The following ZNF362 variants were observed in gnomAD, a reference collection of about 807,000 sequenced individuals.
ZNF362 encodes zinc finger protein 362.
In ZNF362, 11 loss-of-function variants were observed where a neutral mutation model predicts 42.9. The observed-to-expected ratio is 0.26, with a 90% CI of 0.16 to 0.42. ZNF362 has a LOEUF of 0.42. Ranked by LOEUF, ZNF362 falls within the 20% of genes least tolerant of loss-of-function variation. The probability of loss-of-function intolerance (pLI) is 1.00; values close to 1 mark genes in which losing one functional copy is unlikely to be tolerated. For synonymous variants in ZNF362, 255 were observed against 257.3 expected (o/e 0.99, Z 0.09); for missense variants, 362 against 576.2 (o/e 0.63, Z 3.81).
chr1:33,270,189 T>C (rs1645891693), intron 1 of ZNF362, among the ~76,000 whole-genome samples: 1 of 152,144 alleles, frequency 6.6e-6, no homozygotes, highest in African/African-American at 2.4e-5. Flanking sequence ...CAACCCTACT[T>C]GTGAAGAGTT....
chr1:33,204,664 C>T, the ZNF362 span, among the ~76,000 whole-genome samples: 10 of 152,178 alleles, frequency 6.6e-5, no homozygotes, highest in Middle Eastern at 3.4e-3. Flanking sequence ...TATGAAAAAC[C>T]TACAGTTTAC....
chr1:33,261,345 G>A (rs567015072), intron 1 of ZNF362: 20 of 152,302 alleles, frequency 1.3e-4, no homozygotes, highest in Admixed American at 8.5e-4. Flanking sequence ...TGTGTAAAGT[G>A]CTGCACCTCC....
At position 33,299,222 on chromosome 1, in the gene ZNF362, G is replaced by T; in HGVS notation, c.*176G>T. The T allele has an allele frequency of 1.7e-6, 1 of 587,886 alleles. No individual in the cohort carries two copies. Among genetic ancestry groups the T allele is most frequent in the Non-Finnish European group, 3.0e-6 (1 of 328,434 alleles). The allele number at this position is 587,886 out of a possible 1,614,324, so 36.4% of individuals were successfully genotyped here. A position where few individuals can be genotyped will look rare whatever the true frequency, so the allele number is the denominator to read the frequency against. On this transcript the variant is annotated 3_prime_UTR_variant, in exon 9 of 9. Coordinates refer to ENST00000539719, the MANE Select transcript of ZNF362 (RefSeq NM_152493.3). ...GCCTGGTCCAGTCCGGGGGCGGCCA[G>T]GCCAACTGCAAGATTCTGGACTGTT...
the ZNF362 span, among the ~76,000 whole-genome samples, chr1:33,229,556 AC>A: frequency 6.6e-6 from 1 of 151,914 alleles, no homozygotes; most frequent in African/African-American, 2.4e-5. Flanking sequence ...ACAGGTGCCC[AC>A]CACCACACCG....
At chr1:33,193,423 C>A in the ZNF362 span, among the ~76,000 whole-genome samples, 1 of 152,116 alleles carries the variant, frequency 6.6e-6, no homozygotes, top group Non-Finnish European at 1.5e-5. Flanking sequence ...CACAGGACTT[C>A]TATAGAAAAC....
At chr1:33,211,864 A>C in the ZNF362 span, among the ~76,000 whole-genome samples, 3 of 152,160 alleles carry the variant, frequency 2.0e-5, no homozygotes, top group African/African-American at 7.2e-5. Context: ...CATCACTTTC[A>C]GGTACACCAA....
chr1:33,279,142 A>G (rs1645972041), intron 4 of ZNF362, among the ~76,000 whole-genome samples: 1 of 151,956 alleles, frequency 6.6e-6, no homozygotes, highest in Admixed American at 6.6e-5. Flanking sequence ...CTCCCACCCC[A>G]GCCTCCCTAG....
chr1:33,262,052 A>T (rs1284854368), intron 1 of ZNF362, among the ~76,000 whole-genome samples: 1 of 152,058 alleles, frequency 6.6e-6, no homozygotes, highest in Non-Finnish European at 1.5e-5. Flanking sequence ...GGCTATGGTG[A>T]TGGGGATGGC....
At chr1:33,136,022 C>T in the ZNF362 span, among the ~76,000 whole-genome samples, 2 of 151,408 alleles carry the variant, frequency 1.3e-5, no homozygotes, top group Non-Finnish European at 1.5e-5. Flanking sequence ...GGAAGGTGGA[C>T]CCAAGCTTGT....
the ZNF362 span, among the ~76,000 whole-genome samples, chr1:33,134,035 C>G: frequency 6.6e-6 from 1 of 152,208 alleles, no homozygotes; most frequent in African/African-American, 2.4e-5. Context: ...GAGGCTAAAA[C>G]GTTTATAAGG....
the ZNF362 span, among the ~76,000 whole-genome samples, chr1:33,237,576 T>C: frequency 6.6e-6 from 1 of 152,226 alleles, no homozygotes; most frequent in Non-Finnish European, 1.5e-5. Context: ...CTAACATTTA[T>C]TGCGTGCTTA....
At chr1:33,200,805 C>CT in the ZNF362 span, among the ~76,000 whole-genome samples, 1 of 152,120 alleles carries the variant, frequency 6.6e-6, no homozygotes, top group Non-Finnish European at 1.5e-5. Context: ...ATCATAAAGT[C>CT]CTAACCTCCA....
chr1:33,246,018 T>C, the ZNF362 span, among the ~76,000 whole-genome samples: 1 of 152,040 alleles, frequency 6.6e-6, no homozygotes. Context: ...CACCCACCAG[T>C]AACTGGAAGG....
intron 1 of ZNF362, among the ~76,000 whole-genome samples, chr1:33,257,733 TG>T (rs1276967049): frequency 6.6e-6 from 1 of 152,160 alleles, no homozygotes; most frequent in Non-Finnish European, 1.5e-5. Context: ...CAAAGACCCC[TG>T]GCATGAGGAA....
At chr1:33,149,888 G>A in the ZNF362 span, among the ~76,000 whole-genome samples, 1 of 152,188 alleles carries the variant, frequency 6.6e-6, no homozygotes, top group African/African-American at 2.4e-5. Context: ...TCTCCCTTGT[G>A]TGTCCAGAGC....
chr1:33,290,661 C>T (rs1272799084), intron 6 of ZNF362, among the ~76,000 whole-genome samples: 1 of 151,398 alleles, frequency 6.6e-6, no homozygotes, highest in Non-Finnish European at 1.5e-5. Flanking sequence ...AATGGTTGAA[C>T]TAGTTTACAG....
the ZNF362 span, among the ~76,000 whole-genome samples, chr1:33,231,895 T>C: frequency 1.3e-5 from 2 of 152,118 alleles, no homozygotes; most frequent in African/African-American, 4.8e-5. Context: ...CTATAGAAGG[T>C]TGCTGGAGCC....
chr1:33,243,166 G>C, the ZNF362 span, among the ~76,000 whole-genome samples: 1 of 144,668 alleles, frequency 6.9e-6, no homozygotes, highest in African/African-American at 2.7e-5. Context: ...ATGTTGTTAT[G>C]TTATTTTGAG....
chr1:33,151,141 C>T, the ZNF362 span, among the ~76,000 whole-genome samples: 3 of 152,058 alleles, frequency 2.0e-5, no homozygotes, highest in African/African-American at 7.2e-5. Context: ...GACAAGGGGG[C>T]TCTCCGTGGG....
Sources: gnomAD v4.1 joint callset for allele counts (sites outside exome capture counted in the v4.1 genomes callset) on GRCh38, gnomAD v4.1.1 for gene constraint, MANE v1.5 for transcripts, NCBI Gene and HGNC (gene_info 2026-07-23, HGNC 2026-07-21) for gene names.